The following RPH3A variants were observed in gnomAD, a reference collection of about 807,000 sequenced individuals.
RPH3A encodes the protein rabphilin 3A.
RPH3A carries 48 observed loss-of-function variants against 102.2 expected under a neutral mutation model. That is an observed-to-expected ratio of 0.47 (90% CI 0.37 to 0.60). RPH3A has a LOEUF of 0.60. Ranked by LOEUF, RPH3A falls within the 20% of genes least tolerant of loss-of-function variation. The pLI is 0.00. For missense variants in RPH3A, 781 were observed against 910.1 expected (o/e 0.86, Z 1.83); for synonymous variants, 310 against 324.3 (o/e 0.96, Z 0.47).
At chr12:112,881,349 C>T (rs1190928269) in intron 14 of RPH3A, among the ~76,000 whole-genome samples, 2 of 152,164 alleles carry the variant, frequency 1.3e-5, no homozygotes. Context: ...TCCTCCTTCC[C>T]CCGACCTTGC....
chr12:112,760,975 A>T (rs570350458), intron 1 of RPH3A, among the ~76,000 whole-genome samples: 1 of 152,306 alleles, frequency 6.6e-6, no homozygotes, highest in Non-Finnish European at 1.5e-5. Context: ...ACTGTTTGCC[A>T]TCCTTGAGGT....
chr12:112,804,564 C>T (rs747120922), intron 2 of RPH3A, among the ~76,000 whole-genome samples: 5 of 152,192 alleles, frequency 3.3e-5, no homozygotes, highest in African/African-American at 7.2e-5. Flanking sequence ...GTGTGGCCCT[C>T]GTGACAGCTG....
At chr12:112,833,811 C>T (rs1208825917) in intron 3 of RPH3A, among the ~76,000 whole-genome samples, 2 of 151,340 alleles carry the variant, frequency 1.3e-5, no homozygotes, top group Non-Finnish European at 2.9e-5. Context: ...CTCACTTTAG[C>T]TTTGACCGCC....
At chr12:112,869,704 T>G in intron 8 of RPH3A, 55 bp from the exon 9 acceptor site, 1 of 1,583,522 alleles carries the variant, frequency 6.3e-7, no homozygotes, top group Non-Finnish European at 8.7e-7. Flanking sequence ...TAAGTACCGG[T>G]TTTCCAGACA....
chr12:112,682,045 G>A (rs919362327), intron 1 of RPH3A, among the ~76,000 whole-genome samples: 2 of 152,220 alleles, frequency 1.3e-5, no homozygotes, highest in African/African-American at 4.8e-5. Flanking sequence ...AAGCCTGTAA[G>A]TTTCAGTGTC....
intron 1 of RPH3A, among the ~76,000 whole-genome samples, chr12:112,740,049 C>G (rs569522089): frequency 6.6e-6 from 1 of 152,260 alleles, no homozygotes; most frequent in African/African-American, 2.4e-5. Context: ...TAACCAATCC[C>G]CTGCATTAAA....
intron 1 of RPH3A, among the ~76,000 whole-genome samples, chr12:112,727,472 C>T (rs1443831952): frequency 1.0e-5 from 1 of 99,418 alleles, no homozygotes; most frequent in African/African-American, 4.2e-5. Flanking sequence ...CACACACACA[C>T]ACACACACAC....
intron 1 of RPH3A, among the ~76,000 whole-genome samples, chr12:112,737,245 T>C (rs1347280504): frequency 6.6e-6 from 1 of 151,688 alleles, no homozygotes; most frequent in East Asian, 1.9e-4. Context: ...AAGGGATGAA[T>C]ATACAGACAT....
Position 112,896,821 on chromosome 12 carries a change from C to A in RPH3A, c.*41C>A, listed in dbSNP as rs767979590. 1.3e-5 allele frequency: 21 copies of A among 1,610,642 alleles called. No homozygotes were observed. The highest frequency in any genetic ancestry group is 1.6e-5 in the Non-Finnish European group (19 of 1,178,468). ...CCCATCTCCATGTCCCGGGTCCCCC[C>A]CAGCCTGCTCTAGCTGCCCACCGCA... On this transcript the variant is annotated 3_prime_UTR_variant, in exon 22 of 22. Coordinates refer to ENST00000389385, the MANE Select transcript of RPH3A (RefSeq NM_001143854.2).
intron 1 of RPH3A, among the ~76,000 whole-genome samples, chr12:112,708,604 G>A (rs987011985): frequency 2.0e-5 from 3 of 152,190 alleles, no homozygotes; most frequent in African/African-American, 4.8e-5. Flanking sequence ...GAGGGACACC[G>A]AGTGACATCA....
chr12:112,600,273 C>G (rs2039548539), intron 1 of RPH3A, among the ~76,000 whole-genome samples: 1 of 152,178 alleles, frequency 6.6e-6, no homozygotes, highest in Non-Finnish European at 1.5e-5. Flanking sequence ...GCAAGGTGCT[C>G]TCCCCAGGTT....
At chr12:112,720,040 C>G (rs1451978449) in intron 1 of RPH3A, among the ~76,000 whole-genome samples, 1 of 152,208 alleles carries the variant, frequency 6.6e-6, no homozygotes, top group African/African-American at 2.4e-5. Context: ...TTTCTGTCCC[C>G]ACAACATATT....
chr12:112,797,684 ATGAAAAAAAAAATTTTTTT>A (rs1219365274), intron 2 of RPH3A, among the ~76,000 whole-genome samples: 1 of 150,666 alleles, frequency 6.6e-6, no homozygotes, highest in Non-Finnish European at 1.5e-5. Context: ...TTGAGAGTGA[ATGAAAAAAAAAATTTTTTT>A]TTTTTTGATA....
At chr12:112,646,887 T>C (rs746123871) in intron 1 of RPH3A, among the ~76,000 whole-genome samples, 5 of 152,182 alleles carry the variant, frequency 3.3e-5, no homozygotes, top group Non-Finnish European at 7.3e-5. Flanking sequence ...GATGTGGAGA[T>C]GACCTTGTAA....
chr12:112,667,696 GAGAGAGAGAGA>G (rs2040096586), intron 1 of RPH3A, among the ~76,000 whole-genome samples: 3 of 149,988 alleles, frequency 2.0e-5, no homozygotes, highest in Admixed American at 6.6e-5. Flanking sequence ...GAGAGAGAGA[GAGAGAGAGAGA>G]GAGAGAGAGA....
intron 5 of RPH3A, among the ~76,000 whole-genome samples, chr12:112,850,229 A>C (rs2042301445): frequency 6.6e-6 from 1 of 152,138 alleles, no homozygotes; most frequent in Non-Finnish European, 1.5e-5. Context: ...TATCACATAC[A>C]TCTGAGTGAG....
At chr12:112,859,317 G>A (rs1397141813) in intron 5 of RPH3A, among the ~76,000 whole-genome samples, 2 of 152,192 alleles carry the variant, frequency 1.3e-5, no homozygotes, top group African/African-American at 2.4e-5. Flanking sequence ...AAAAGAGGTA[G>A]GATTCAAACC....
chr12:112,677,227 G>C (rs1197107954), intron 1 of RPH3A, among the ~76,000 whole-genome samples: 1 of 152,148 alleles, frequency 6.6e-6, no homozygotes, highest in Non-Finnish European at 1.5e-5. Flanking sequence ...ACAGGACCCA[G>C]CTCTCATCAA....
chr12:112,630,194 T>A (rs915737935), intron 1 of RPH3A, among the ~76,000 whole-genome samples: 1 of 152,066 alleles, frequency 6.6e-6, no homozygotes, highest in Non-Finnish European at 1.5e-5. Flanking sequence ...CATCCAATTA[T>A]TTCATAAATA....
Sources: gnomAD v4.1 joint callset for allele counts (sites outside exome capture counted in the v4.1 genomes callset) on GRCh38, gnomAD v4.1.1 for gene constraint, MANE v1.5 for transcripts, NCBI Gene and HGNC (gene_info 2026-07-23, HGNC 2026-07-21) for gene names.